USP3: variants seen among roughly 807,000 people sequenced by gnomAD.
The protein encoded by USP3 is ubiquitin specific peptidase 3, also known as ubiquitin carboxyl-terminal hydrolase 3.
USP3 carries 20 observed loss-of-function variants against 72.3 expected under a neutral mutation model. The ratio of observed to expected loss-of-function variants is 0.28; its 90% CI spans 0.19 to 0.40. USP3 has a LOEUF of 0.40. Ranked by LOEUF, USP3 falls within the 10% of genes least tolerant of loss-of-function variation. USP3 has a pLI of 1.00. For synonymous variants in USP3, 222 were observed against 225.3 expected, an observed-to-expected ratio of 0.99 and a Z score of 0.13; for missense variants, 479 against 633.9, an observed-to-expected ratio of 0.76 and a Z score of 2.62.
chr15:63,581,147 G>A (rs1283242668), intron 11 of USP3, among the ~76,000 whole-genome samples: 1 of 152,018 alleles, frequency 6.6e-6, no homozygotes, highest in East Asian at 1.9e-4. Context: ...ACTTCCACAT[G>A]TGAGCTCTGA....
intron 11 of USP3, among the ~76,000 whole-genome samples, chr15:63,584,388 G>C (rs1019977103): frequency 6.6e-6 from 1 of 152,212 alleles, no homozygotes; most frequent in South Asian, 2.1e-4. Context: ...GTGAGGCACC[G>C]CACCCAGCCG....
chr15:63,566,991 G>A (rs573976598), intron 8 of USP3, among the ~76,000 whole-genome samples: 2 of 152,206 alleles, frequency 1.3e-5, no homozygotes, highest in African/African-American at 4.8e-5. Context: ...TTATACATAT[G>A]TATATCTCTT....
intron 11 of USP3, among the ~76,000 whole-genome samples, chr15:63,582,797 G>C (rs1368853552): frequency 6.6e-6 from 1 of 152,308 alleles, no homozygotes; most frequent in Admixed American, 6.5e-5. Flanking sequence ...AAGGCTGCGA[G>C]AGGTGCTTTG....
rs368293147 is a variant in USP3, at chr15:63,523,008, A to T, written c.92-9639A>T. On this transcript the variant is annotated intron_variant, in intron 1 of 14. Transcript: ENST00000380324. ...AGTGGCATTCTATTATCTAAACCTT[A>T]TCTGTTAAAATGTGCTTCTAAAATG... Among the ~76,000 whole-genome samples the T allele has an allele frequency of 4.6e-5, 7 of 152,302 alleles. No individual in the cohort carries two copies. The East Asian group carries it at 7.7e-4, about 17-fold the overall frequency.
Position 63,594,520 on chromosome 15 carries a change from C to G in USP3, c.*3694C>G, listed in dbSNP as rs192549124. 6.6e-6 allele frequency: 1 copy of G among 152,128 alleles called. No individual in the cohort carries two copies. Among genetic ancestry groups the G allele is most frequent in the Non-Finnish European group, 1.5e-5 (1 of 68,030 alleles). The allele number at this position is 152,128 out of a possible 1,614,324, so 9.4% of individuals were successfully genotyped here. A position where few individuals can be genotyped will look rare whatever the true frequency, so the allele number is the denominator to read the frequency against. On this transcript the variant is annotated 3_prime_UTR_variant, in exon 15 of 15. Transcript: ENST00000380324. ...CCATTAAAACCCAGTTTGTATGATG[C>G]CAAGAGGATTAATTGTGCAAGTGAC...
intron 4 of USP3, 38 bp from the exon 5 acceptor site, chr15:63,556,629 A>G (rs2066513475): frequency 6.6e-7 from 1 of 1,525,948 alleles, no homozygotes; most frequent in African/African-American, 1.4e-5. Context: ...GCATGCATAT[A>G]TTAATAACTT....
chr15:63,551,989 C>G (rs2066444275), intron 3 of USP3: 1 of 152,174 alleles, frequency 6.6e-6, no homozygotes, highest in African/African-American at 2.4e-5. Context: ...AGAAATAAAT[C>G]AGTTATTTAA....
chr15:63,582,530 TGAA>T (rs749784129), intron 11 of USP3, among the ~76,000 whole-genome samples: 12 of 152,228 alleles, frequency 7.9e-5, no homozygotes, highest in Non-Finnish European at 1.8e-4. Context: ...TGCCTCTTTA[TGAA>T]TCATCTTATG....
At chr15:63,535,557 A>G (rs987140941) in intron 2 of USP3, among the ~76,000 whole-genome samples, 1 of 152,218 alleles carries the variant, frequency 6.6e-6, no homozygotes, top group Non-Finnish European at 1.5e-5. Flanking sequence ...CAGGCAGTCT[A>G]GTTTTTGAGC....
intron 1 of USP3, among the ~76,000 whole-genome samples, chr15:63,515,015 A>C (rs923537631): frequency 6.6e-6 from 1 of 152,202 alleles, no homozygotes; most frequent in African/African-American, 2.4e-5. Context: ...TATTTTTGAA[A>C]CAATTTGAGC....
At chr15:63,535,855 C>T (rs1410251853) in intron 2 of USP3, among the ~76,000 whole-genome samples, 1 of 152,192 alleles carries the variant, frequency 6.6e-6, no homozygotes, top group African/African-American at 2.4e-5. Flanking sequence ...TCATCTAACT[C>T]TCTGCATCTG....
intron 6 of USP3, 85 bp downstream of exon 6, chr15:63,558,273 C>T: frequency 6.9e-7 from 1 of 1,445,518 alleles, no homozygotes; most frequent in Non-Finnish European, 9.7e-7. Flanking sequence ...GCCACTAACT[C>T]TAGTCATATG....
At chr15:63,578,665 T>C (rs1408510871) in intron 11 of USP3, among the ~76,000 whole-genome samples, 3 of 151,876 alleles carry the variant, frequency 2.0e-5, no homozygotes, top group Admixed American at 1.3e-4. Context: ...TGATGACAAT[T>C]ATTCATTAAA....
At chr15:63,565,165 C>T (rs773402456) in intron 8 of USP3, among the ~76,000 whole-genome samples, 14 of 152,068 alleles carry the variant, frequency 9.2e-5, no homozygotes, top group Non-Finnish European at 1.5e-4. Flanking sequence ...TACAAACATG[C>T]GTGTAGAAGT....
chr15:63,565,684 T>C (rs1159964211), intron 8 of USP3, among the ~76,000 whole-genome samples: 1 of 152,192 alleles, frequency 6.6e-6, no homozygotes, highest in African/African-American at 2.4e-5. Flanking sequence ...GTATCATCTT[T>C]TTTTCCCCAC....
chr15:63,507,152 C>G (rs570605661), intron 1 of USP3, among the ~76,000 whole-genome samples: 6 of 152,062 alleles, frequency 3.9e-5, no homozygotes, highest in African/African-American at 1.4e-4. Context: ...TTGACTAATA[C>G]TGTGACTGGG....
Position 63,574,258 on chromosome 15 carries a change from G to A in USP3, c.1016-65G>A. On this transcript the variant is annotated intron_variant, in intron 10 of 14. Transcript: ENST00000380324. The surrounding 1 kb of genome is among the most constrained non-coding windows in gnomAD (Gnocchi z 4.6). ...GAAATCTAGAAATACATCAGTTTGT[G>A]AAATTATTTTGAATGGACATATATG... is the stretch of plus-strand genomic sequence containing the variant. 1 of 1,455,790 alleles carries A rather than the reference G, an allele frequency of 6.9e-7. No homozygotes were observed. Among genetic ancestry groups the A allele is most frequent in the South Asian group, 1.5e-5 (1 of 67,218 alleles). The allele number at this position is 1,455,790 out of a possible 1,614,324, so 90.2% of individuals were successfully genotyped here.
At chr15:63,545,990 A>AAAC (rs2066320471) in intron 3 of USP3, among the ~76,000 whole-genome samples, 2 of 147,642 alleles carry the variant, frequency 1.4e-5, no homozygotes, top group African/African-American at 5.0e-5. Context: ...AAAAAAAAAA[A>AAAC]AAAAACAGTA....
intron 7 of USP3, among the ~76,000 whole-genome samples, chr15:63,561,838 T>C (rs1472563887): frequency 6.6e-6 from 1 of 152,186 alleles, no homozygotes; most frequent in East Asian, 1.9e-4. Context: ...AAGAAGATAT[T>C]GAGATTCTCT....
Sources: allele counts gnomAD v4.1 joint callset (sites outside exome capture counted in the v4.1 genomes callset), GRCh38; gene constraint gnomAD v4.1.1; non-coding constraint Gnocchi (gnomAD v3.1); transcripts MANE v1.5; gene names NCBI Gene and HGNC (gene_info 2026-07-23, HGNC 2026-07-21).